The following MYH7 variants were observed in gnomAD, a reference collection of about 807,000 sequenced individuals.
MYH7 encodes myosin heavy chain 7.
In MYH7, 129 loss-of-function variants were observed where a neutral mutation model predicts 225.4. That is an observed-to-expected ratio of 0.57 (90% CI 0.50 to 0.66). The LOEUF is 0.66. Among genes scored for constraint, MYH7 ranks in the 30% least tolerant of loss-of-function variants. The pLI, the probability that MYH7 is intolerant of heterozygous loss-of-function variation, is 0.00. For missense variants in MYH7, 1,649 were observed against 2,517.0 expected (o/e 0.66, Z 7.38); for synonymous variants, 971 against 1,007.6 (o/e 0.96, Z 0.69).
chr14:23,423,877 C>T lies in MYH7; in HGVS notation c.2922+30G>A, dbSNP rs754034785. 4.1e-5 allele frequency: 66 copies of T among 1,613,704 alleles called. No individual in the cohort carries two copies. The Middle Eastern group carries it at 1.3e-3, about 32-fold the overall frequency. On this transcript the variant is annotated intron_variant, in intron 23 of 39. Coordinates refer to ENST00000355349, the MANE Select transcript of MYH7 (RefSeq NM_000257.4). ...ATGGTCTGAGAGTCCTGATGAGACC[C>T]GGGCTGGAGCCAAAGGGAGCTGCCC...
At chr14:23,427,192 G>T in intron 17 of MYH7, 48 bp downstream of exon 17, 1 of 1,587,748 alleles carries the variant, frequency 6.3e-7, no homozygotes. Flanking sequence ...GGCTGGGTGG[G>T]GTTGGGCAGA....
At chr14:23,423,322 T>C (rs976079361) in intron 24 of MYH7, among the ~76,000 whole-genome samples, 1 of 152,036 alleles carries the variant, frequency 6.6e-6, no homozygotes, top group Non-Finnish European at 1.5e-5. Flanking sequence ...TGAGATTAGA[T>C]ACATAATTCA....
chr14:23,421,884 C>A, intron 25 of MYH7: 1 of 660,338 alleles, frequency 1.5e-6, no homozygotes, highest in Non-Finnish European at 1.9e-6. Flanking sequence ...AACTGGTCTC[C>A]AAAGAGAGAT....
At position 23,426,859 on chromosome 14, in the gene MYH7, A is replaced by G. The variant is rs1479771469; in HGVS notation, c.1962T>C (p.Asn654=). Residue 654 remains asparagine, a synonymous_variant, in exon 18 of 40, where the codon AAT becomes AAC. Transcript: ENST00000355349. ...GCAAGTTGGTCATCAGCTTGTTCAG[A>G]TTTTCCTGTGGCCAAAAATGCAATA... ...FQTVSALHRE[N]LNKLMTNLRS... The G allele has an allele frequency of 6.2e-7, 1 of 1,614,024 alleles. No homozygotes were observed. Among genetic ancestry groups the G allele is most frequent in the Non-Finnish European group, 8.5e-7 (1 of 1,180,006 alleles).
Position 23,428,031 on chromosome 14 carries a change from T to C in MYH7, c.1579-137A>G, listed in dbSNP as rs904814081. Reference sequence around the variant, plus strand: ...GTAGGCTCAGCTCTGAGTACAGTTATCTACTGACTGGAACCGGTTCAAGGT... The same window carrying C: ...GTAGGCTCAGCTCTGAGTACAGTTACCTACTGACTGGAACCGGTTCAAGGT... On this transcript the variant is annotated intron_variant, in intron 15 of 39. Coordinates refer to ENST00000355349, the MANE Select transcript of MYH7 (RefSeq NM_000257.4). 3 of 1,127,836 alleles carry C rather than the reference T, an allele frequency of 2.7e-6. No homozygotes were observed. In the African/African-American group the frequency reaches 4.7e-5, roughly 18 times the overall value. 69.9% of individuals were successfully genotyped at this position (1,127,836 alleles called of 1,614,324 possible). A position where few individuals can be genotyped will look rare whatever the true frequency, so the allele number is the denominator to read the frequency against.
chr14:23,430,814 C>T (rs960174664), intron 10 of MYH7, 87 bp downstream of exon 10: 3 of 1,295,448 alleles, frequency 2.3e-6, no homozygotes, highest in Admixed American at 1.7e-5. Flanking sequence ...CCATGAAACC[C>T]AGGGCATGCC....
intron 26 of MYH7, 64 bp downstream of exon 26, chr14:23,420,894 A>T: frequency 8.2e-7 from 1 of 1,224,776 alleles, no homozygotes; most frequent in Non-Finnish European, 1.2e-6. Flanking sequence ...ACCCTAGAGG[A>T]GGGGGCAGGG....
Position 23,431,407 on chromosome 14 carries a change from A to G in MYH7, c.796+11T>C. On this transcript the variant is annotated intron_variant, in intron 9 of 39. Coordinates refer to ENST00000355349, the MANE Select transcript of MYH7 (RefSeq NM_000257.4). ...AGCTTAGGCTGAGCCTAGCAGATTC[A>G]TGGCACTCACAGGTCTCTATGTCTG... The G allele has an allele frequency of 6.2e-7, 1 of 1,613,496 alleles. No individual in the cohort carries two copies. The highest frequency in any genetic ancestry group is 8.5e-7 in the Non-Finnish European group (1 of 1,179,414).
Position 23,432,687 on chromosome 14 carries a change from G to A in MYH7, c.454C>T (p.Pro152Ser). 6.2e-7 allele frequency: 1 copy of A among 1,614,110 alleles called. No homozygotes were observed. The highest frequency in any genetic ancestry group is 8.5e-7 in the Non-Finnish European group (1 of 1,180,026). Residue 152 changes from proline to serine, a missense_variant, in exon 5 of 40, where the codon CCC becomes TCC. Transcript: ENST00000355349. ...TTGTCGGAGATGGAGAAGATGTGGG[G>A]CGGGGCCTCGCTCCTCTTCTTGCCC... is the stretch of plus-strand genomic sequence containing the variant. ...YRGKKRSEAP[P>S]HIFSISDNAY...
intron 24 of MYH7, among the ~76,000 whole-genome samples, chr14:23,422,556 G>A (rs541714737): frequency 4.2e-4 from 62 of 147,732 alleles, no homozygotes; most frequent in Middle Eastern, 7.0e-3. Context: ...CCCCAAAGCC[G>A]TATTCTTTCT....
At position 23,416,141 on chromosome 14, in the gene MYH7, G is replaced by A. The variant is rs200530211; in HGVS notation, c.4816C>T (p.Arg1606Cys). The change falls in exon 34 of 40, where the codon CGC (arginine) becomes TGC (cysteine). Residue 1606 changes from arginine (R) to cysteine (C), a missense_variant. Transcript: ENST00000355349. Reference protein sequence around the residue: ...SLQTSLDAETRSRNEALRVKK... With the variant: ...SLQTSLDAETCSRNEALRVKK... Reference sequence around the variant, plus strand: ...ACCCTCAGGGCCTCGTTGCGGCTGCGTGTCTCTGCGTCCAGGGAGGTCTGC... The same window carrying A: ...ACCCTCAGGGCCTCGTTGCGGCTGCATGTCTCTGCGTCCAGGGAGGTCTGC... 7.4e-6 allele frequency: 12 copies of A among 1,614,048 alleles called. No individual in the cohort carries two copies. Among genetic ancestry groups the A allele is most frequent in the Middle Eastern group, 1.6e-4 (1 of 6,082 alleles).
chr14:23,418,177 C>A (rs930648617), intron 30 of MYH7, 33 bp downstream of exon 30: 1 of 1,613,026 alleles, frequency 6.2e-7, no homozygotes, highest in Admixed American at 1.7e-5. Flanking sequence ...TGCAAAGGGG[C>A]CTCAGCCAGA....
chr14:23,423,610 G>A lies in MYH7; in HGVS notation c.3036C>T (p.Ala1012=), dbSNP rs145379951. 8.7e-4 allele frequency: 1,402 copies of A among 1,613,944 alleles called. 18 individuals are homozygous for A. The Middle Eastern group carries it at 0.01, about 12-fold the overall frequency. Residue 1012 remains alanine (A), a synonymous_variant, in exon 24 of 40, where the codon GCC becomes GCT. Transcript: ENST00000355349. ...TCAGGGTGTTGACCTTGTCCTCCTC[G>A]GCCTGAAGGTCATCCAGAGCCTGTT... ...AHQQALDDLQ[A]EEDKVNTLTK... is the part of the protein sequence containing the mutation.
At chr14:23,424,632 A>T (rs1171169389) in intron 22 of MYH7, 137 bp downstream of exon 22, 2 of 1,422,092 alleles carry the variant, frequency 1.4e-6, no homozygotes, top group Non-Finnish European at 1.9e-6. Flanking sequence ...ACCTCTTTGG[A>T]GGTCTTTAGA....
intron 24 of MYH7, among the ~76,000 whole-genome samples, chr14:23,423,005 T>C (rs1892541683): frequency 6.6e-6 from 1 of 152,194 alleles, no homozygotes; most frequent in South Asian, 2.1e-4. Flanking sequence ...AGTCCCCAAA[T>C]TGAATAGATC....
Position 23,425,011 on chromosome 14 carries a change from C to T in MYH7, c.2437G>A (p.Val813Ile). The T allele has an allele frequency of 6.2e-7, 1 of 1,614,210 alleles. No homozygotes were observed. The highest frequency in any genetic ancestry group is 8.5e-7 in the Non-Finnish European group (1 of 1,180,044). The change falls in exon 22 of 40, where the codon GTA (valine) becomes ATA (isoleucine). Residue 813 changes from valine to isoleucine, a missense_variant. Around this residue, in one of 12 missense-constraint regions of MYH7, gnomAD observed 36 missense variants for 43.2 expected, o/e 0.83. Coordinates refer to ENST00000355349, the MANE Select transcript of MYH7 (RefSeq NM_000257.4). This position sits in a 1 kb window ranked among gnomAD's most constrained non-coding sequence, Gnocchi z 4.6. ...KLLERRDSLL[V>I]IQWNIRAFMG... is the part of the protein sequence containing the mutation. ...AAGGCCCGAATGTTCCACTGGATTA[C>T]CAGCAGGGAGTCTCTGCAGGGGCCC...
rs1892171004 is a variant in MYH7, at chr14:23,415,731, C to A, written c.5055G>T (p.Leu1685=). 1 of 1,614,232 alleles carries A rather than the reference C, an allele frequency of 6.2e-7. No homozygotes were observed. Among genetic ancestry groups the A allele is most frequent in the Non-Finnish European group, 8.5e-7 (1 of 1,180,048 alleles). ...ERRNNLLQAE[L]EELRAVVEQT... ...GCTCCACCACGGCACGCAACTCCTC[C>A]AGCTCAGCCTGCAGCAGGTTGTTGC... is the stretch of plus-strand genomic sequence containing the variant. Residue 1685 remains leucine, a synonymous_variant, in exon 35 of 40, where the codon CTG becomes CTT. Transcript: ENST00000355349. This position sits in a 1 kb window ranked among gnomAD's most constrained non-coding sequence, Gnocchi z 6.3.
chr14:23,415,495 G>A lies in MYH7; in HGVS notation c.5169C>T (p.Leu1723=). Residue 1723 remains leucine (L), a synonymous_variant, in exon 36 of 40, where the codon CTC becomes CTT. Coordinates refer to ENST00000355349, the MANE Select transcript of MYH7 (RefSeq NM_000257.4). The surrounding 1 kb of genome is among the most constrained non-coding windows in gnomAD (Gnocchi z 6.3). ...VQLLHSQNTS[L]INQKKKMDAD... Reference sequence around the variant, plus strand: ...CATCCATCTTCTTCTTCTGGTTGATGAGGCTGGTGTTCTGGGTTGGGGGAG... The same window carrying A: ...CATCCATCTTCTTCTTCTGGTTGATAAGGCTGGTGTTCTGGGTTGGGGGAG... 3.1e-6 allele frequency: 5 copies of A among 1,614,232 alleles called. No homozygotes were observed. The highest frequency in any genetic ancestry group is 3.4e-6 in the Non-Finnish European group (4 of 1,180,052).
rs2138651138 is a variant in MYH7, at chr14:23,419,169, G to A, written c.3972+8C>T. The A allele has an allele frequency of 6.2e-7, 1 of 1,613,878 alleles. No homozygotes were observed. The highest frequency in any genetic ancestry group is 2.2e-5 in the East Asian group (1 of 44,880). On this transcript the variant is annotated splice_region_variant and intron_variant, in intron 29 of 39. Coordinates refer to ENST00000355349, the MANE Select transcript of MYH7 (RefSeq NM_000257.4). ...GCTTGGGCCAGGTGGCCCGAGTCTA[G>A]CCCTTACCTTAACCTCCTCCTCCAG... is the stretch of plus-strand genomic sequence containing the variant.
Sources: allele counts gnomAD v4.1 joint callset (sites outside exome capture counted in the v4.1 genomes callset), GRCh38; gene constraint gnomAD v4.1.1; regional missense constraint gnomAD v4.1.1; non-coding constraint Gnocchi (gnomAD v3.1); transcripts MANE v1.5; gene names NCBI Gene and HGNC (gene_info 2026-07-23, HGNC 2026-07-21).